The following INSL6 variants were observed in gnomAD, a reference collection of about 807,000 sequenced individuals.
INSL6 encodes the protein insulin like 6.
In INSL6, 16 loss-of-function variants were observed where a neutral mutation model predicts 9.4. The ratio of observed to expected loss-of-function variants is 1.70; its 90% CI spans 1.15 to 2.59. The LOEUF is 2.59. Among genes scored for constraint, INSL6 ranks in the 30% most tolerant of loss-of-function variants. The pLI, the probability that INSL6 is intolerant of heterozygous loss-of-function variation, is 0.00. For missense variants in INSL6, 391 were observed against 257.3 expected (o/e 1.52, Z -3.56); for synonymous variants, 154 against 96.9 (o/e 1.59, Z -3.46).
chr9:5,041,237 C>G, the INSL6 span: 1 of 1,463,084 alleles, frequency 6.8e-7, no homozygotes, highest in Non-Finnish European at 9.4e-7. Context: ...GGGGACCAAG[C>G]GGCAGCACGC....
chr9:5,161,837 T>G (rs1342182833), downstream of INSL6, among the ~76,000 whole-genome samples: 1 of 152,056 alleles, frequency 6.6e-6, no homozygotes, highest in Admixed American at 6.6e-5. Context: ...CCCAGCACTT[T>G]GGGAGGCCAA....
chr9:5,044,599 A>T, the INSL6 span: 1 of 875,952 alleles, frequency 1.1e-6, no homozygotes, highest in Non-Finnish European at 1.7e-6. Context: ...AATCAGGAAA[A>T]ACTTTACATA....
the INSL6 span, chr9:5,098,517 G>C: frequency 6.6e-6 from 1 of 152,074 alleles, no homozygotes; most frequent in Non-Finnish European, 1.5e-5. Context: ...AGATGCCCAA[G>C]AAATTGAGAC....
chr9:5,140,374 C>T (rs577884953), intron 2 of INSL6, among the ~76,000 whole-genome samples: 73 of 152,136 alleles, frequency 4.8e-4, no homozygotes, highest in Middle Eastern at 3.4e-3. Flanking sequence ...ATCAGAGCTC[C>T]GAAACCCTAA....
At chr9:5,124,412 C>A (rs1019166262) in exon 4 of INSL6, among the ~76,000 whole-genome samples, 1 of 151,690 alleles carries the variant, frequency 6.6e-6, no homozygotes, top group Non-Finnish European at 1.5e-5. Context: ...GGTCCAGTTT[C>A]ATTCTTCTGC....
At chr9:5,010,611 C>CG in the INSL6 span, among the ~76,000 whole-genome samples, 1 of 152,160 alleles carries the variant, frequency 6.6e-6, no homozygotes, top group Non-Finnish European at 1.5e-5. Context: ...TGGGCCACCA[C>CG]GCCTGGCTGT....
the INSL6 span, among the ~76,000 whole-genome samples, chr9:4,993,099 A>T: frequency 3.3e-5 from 5 of 151,958 alleles, no homozygotes; most frequent in Non-Finnish European, 1.5e-5. Flanking sequence ...AGCTAATACA[A>T]CTCCTTTAAA....
At chr9:5,129,425 A>C (rs1824202164) in intron 3 of INSL6, among the ~76,000 whole-genome samples, 2 of 152,136 alleles carry the variant, frequency 1.3e-5, no homozygotes, top group Non-Finnish European at 1.5e-5. Flanking sequence ...TATTGTCTTT[A>C]ATGAACACTG....
chr9:5,114,382 C>T, the INSL6 span: 1 of 523,578 alleles, frequency 1.9e-6, no homozygotes, highest in Non-Finnish European at 3.8e-6. Context: ...ACCATCACGT[C>T]CACCCTGCTG....
At chr9:5,169,649 T>A (rs565905323) in intron 1 of INSL6, among the ~76,000 whole-genome samples, 1 of 151,956 alleles carries the variant, frequency 6.6e-6, no homozygotes, top group Non-Finnish European at 1.5e-5. Flanking sequence ...AAGACACACA[T>A]AGACTCAAAA....
the INSL6 span, among the ~76,000 whole-genome samples, chr9:5,017,007 A>G: frequency 6.6e-6 from 1 of 152,218 alleles, no homozygotes; most frequent in Non-Finnish European, 1.5e-5. Context: ...AAGAATCTAC[A>G]TCAAAACCTT....
the INSL6 span, among the ~76,000 whole-genome samples, chr9:5,010,085 A>G: frequency 6.6e-6 from 1 of 152,142 alleles, no homozygotes; most frequent in Non-Finnish European, 1.5e-5. Flanking sequence ...GTATGTTTTA[A>G]ATAGAGTCTA....
chr9:5,177,339 G>A (rs1055468548), intron 1 of INSL6, among the ~76,000 whole-genome samples: 2 of 152,102 alleles, frequency 1.3e-5, no homozygotes, highest in Non-Finnish European at 2.9e-5. Context: ...CACCCCGCCC[G>A]GGAAATCACA....
intron 2 of INSL6, among the ~76,000 whole-genome samples, chr9:5,138,834 A>G (rs777749614): frequency 2.0e-5 from 3 of 152,122 alleles, no homozygotes; most frequent in Non-Finnish European, 4.4e-5. Flanking sequence ...CTAGATGCAA[A>G]AAGTGCCTCT....
intron 1 of INSL6, among the ~76,000 whole-genome samples, chr9:5,184,441 T>C (rs1825524135): frequency 6.6e-6 from 1 of 152,186 alleles, no homozygotes; most frequent in South Asian, 2.1e-4. Context: ...GATATACCAA[T>C]GAATCTGGAA....
chr9:5,089,582 C>T, the INSL6 span: 1 of 356,958 alleles, frequency 2.8e-6, no homozygotes, highest in East Asian at 4.9e-5. Context: ...CTGCTAATTC[C>T]AGCTACTAGA....
At chr9:5,042,980 A>G in the INSL6 span, among the ~76,000 whole-genome samples, 1 of 152,118 alleles carries the variant, frequency 6.6e-6, no homozygotes, top group Non-Finnish European at 1.5e-5. Flanking sequence ...GACCCTCAGA[A>G]GCTGAGGGGG....
chr9:5,120,354 CAT>C (rs910357805), downstream of INSL6, among the ~76,000 whole-genome samples: 4 of 152,238 alleles, frequency 2.6e-5, no homozygotes, highest in African/African-American at 9.6e-5. Context: ...GGAGGAGACA[CAT>C]AGCAAACACT....
downstream of INSL6, among the ~76,000 whole-genome samples, chr9:5,159,605 T>A (rs940540264): frequency 1.3e-5 from 2 of 152,118 alleles, no homozygotes; most frequent in African/African-American, 4.8e-5. Flanking sequence ...GATGTAACAA[T>A]TGTAAATATA....
Sources: allele counts gnomAD v4.1 joint callset (sites outside exome capture counted in the v4.1 genomes callset), GRCh38; gene constraint gnomAD v4.1.1; transcripts MANE v1.5; gene names NCBI Gene and HGNC (gene_info 2026-07-23, HGNC 2026-07-21).